MTSS1: variants seen among roughly 807,000 people sequenced by gnomAD.
MTSS1 encodes protein MTSS 1.
MTSS1 carries 18 observed loss-of-function variants against 79.0 expected under a neutral mutation model. The ratio of observed to expected loss-of-function variants is 0.23; its 90% CI spans 0.16 to 0.34. The LOEUF is 0.34. Among genes scored for constraint, MTSS1 ranks in the 10% least tolerant of loss-of-function variants. MTSS1 has a pLI of 1.00. For synonymous variants in MTSS1, 341 were observed against 368.6 expected (o/e 0.93, Z 0.86); for missense variants, 815 against 986.2 (o/e 0.83, Z 2.33).
intron 1 of MTSS1, among the ~76,000 whole-genome samples, chr8:124,714,609 G>A (rs1373877952): frequency 1.3e-5 from 2 of 152,004 alleles, no homozygotes; most frequent in African/African-American, 4.8e-5. Context: ...CTACAGGAGT[G>A]TGCCATCATG....
chr8:124,553,484 G>A lies in MTSS1; in HGVS notation c.1776C>T (p.Thr592=), dbSNP rs1463856365. The change falls in exon 14 of 14, where the codon ACC becomes ACT. Residue 592 remains threonine (T), a synonymous_variant. Coordinates refer to ENST00000518547, the MANE Select transcript of MTSS1 (RefSeq NM_014751.6). This position sits in a 1 kb window ranked among gnomAD's most constrained non-coding sequence, Gnocchi z 6.0. ...VTPGVATIRR[T]PSTKPSVRRG... is the part of the protein sequence containing the mutation. ...GGCGGACAGAAGGCTTGGTGGAAGGGGTCCGTCGGATAGTTGCAACCCCTG... is the reference window on the plus strand; with the variant it reads ...GGCGGACAGAAGGCTTGGTGGAAGGAGTCCGTCGGATAGTTGCAACCCCTG... 3.1e-6 allele frequency: 5 copies of A among 1,611,878 alleles called. No homozygotes were observed. In the South Asian group the frequency reaches 4.4e-5, roughly 14 times the overall value.
intron 8 of MTSS1, chr8:124,566,219 G>A (rs1184840874): frequency 6.5e-6 from 1 of 154,198 alleles, no homozygotes; most frequent in Admixed American, 6.4e-5. Context: ...TTTAAAGCCT[G>A]ACAGAATCAA....
chr8:124,668,037 A>G (rs1262035809), intron 3 of MTSS1, among the ~76,000 whole-genome samples: 2 of 151,342 alleles, frequency 1.3e-5, no homozygotes, highest in African/African-American at 4.9e-5. Flanking sequence ...GCAGTGAGCC[A>G]TGATCGCGCC....
intron 3 of MTSS1, among the ~76,000 whole-genome samples, chr8:124,623,265 C>T (rs536343196): frequency 2.0e-5 from 3 of 152,370 alleles, no homozygotes; most frequent in Non-Finnish European, 2.9e-5. Flanking sequence ...AACTAAACTG[C>T]ATGTATCTGT....
chr8:124,644,564 G>C (rs1360602401), intron 3 of MTSS1, among the ~76,000 whole-genome samples: 1 of 152,198 alleles, frequency 6.6e-6, no homozygotes, highest in Non-Finnish European at 1.5e-5. Context: ...AATGAAACAA[G>C]GAAATTACAT....
intron 3 of MTSS1, among the ~76,000 whole-genome samples, chr8:124,621,702 C>T (rs958871694): frequency 6.6e-6 from 1 of 152,156 alleles, no homozygotes; most frequent in Admixed American, 6.5e-5. Flanking sequence ...GTGCACGCCA[C>T]CACACCTAGC....
At chr8:124,656,074 A>C (rs1820880680) in intron 3 of MTSS1, among the ~76,000 whole-genome samples, 1 of 152,252 alleles carries the variant, frequency 6.6e-6, no homozygotes, top group Admixed American at 6.5e-5. Context: ...TTGAGCATTG[A>C]ATCTGACTGT....
chr8:124,700,238 A>C (rs949134614), intron 2 of MTSS1, among the ~76,000 whole-genome samples: 2 of 152,240 alleles, frequency 1.3e-5, no homozygotes, highest in African/African-American at 2.4e-5. Flanking sequence ...AAACATTAAA[A>C]AATATAAGTG....
chr8:124,628,497 C>T (rs112154147), intron 3 of MTSS1, among the ~76,000 whole-genome samples: 4,133 of 152,182 alleles, frequency 0.027, 165 homozygotes, highest in African/African-American at 0.094. Context: ...CCCCACGGCT[C>T]AGCTGTGGAA....
In MTSS1 at chr8:124,580,568, G is replaced by T. The variant is rs577679625; in HGVS notation, c.460+4519C>A. 9 of 1,534,760 alleles carry T rather than the reference G, an allele frequency of 5.9e-6. No individual in the cohort carries two copies. In the South Asian group the frequency reaches 6.0e-5, roughly 10 times the overall value. ...AGACTTACCAAGAGTGTCCACTGGCGGGGGGGCACACGGTGAGAAAGTGCA... is the reference window on the plus strand; with the variant it reads ...AGACTTACCAAGAGTGTCCACTGGCTGGGGGGCACACGGTGAGAAAGTGCA... On this transcript the variant is annotated intron_variant, in intron 6 of 13. Coordinates refer to ENST00000518547, the MANE Select transcript of MTSS1 (RefSeq NM_014751.6).
At chr8:124,604,352 A>G (rs898618734) in intron 3 of MTSS1, among the ~76,000 whole-genome samples, 2 of 152,242 alleles carry the variant, frequency 1.3e-5, no homozygotes, top group African/African-American at 4.8e-5. Flanking sequence ...CTTGATCTAA[A>G]TGTTCTTACA....
intron 1 of MTSS1, among the ~76,000 whole-genome samples, chr8:124,716,025 A>G (rs1831906375): frequency 6.6e-6 from 1 of 152,200 alleles, no homozygotes; most frequent in African/African-American, 2.4e-5. Flanking sequence ...TACGATGCCA[A>G]TCACCCTGAC....
At chr8:124,699,023 T>C (rs946116281) in intron 3 of MTSS1, 1 of 156,450 alleles carries the variant, frequency 6.4e-6, no homozygotes, top group Admixed American at 6.4e-5. Flanking sequence ...GAATAAGTCA[T>C]AGTCTGTATC....
rs1822943168 is a variant in MTSS1, at chr8:124,553,550, A to T, written c.1710T>A (p.Thr570=). ...GTCCCAGGGTGGTGGGGAGGCCAGCAGTTGAGGCTGGACGCTTGGCTTGGA... is the reference window on the plus strand; with the variant it reads ...GTCCCAGGGTGGTGGGGAGGCCAGCTGTTGAGGCTGGACGCTTGGCTTGGA... ...RMFQAKRPAS[T]AGLPTTLGPA... The change falls in exon 14 of 14, where the codon ACT becomes ACA. Residue 570 remains threonine (T), a synonymous_variant. Coordinates refer to ENST00000518547, the MANE Select transcript of MTSS1 (RefSeq NM_014751.6). This position sits in a 1 kb window ranked among gnomAD's most constrained non-coding sequence, Gnocchi z 6.0. 6.2e-7 allele frequency: 1 copy of T among 1,614,008 alleles called. No homozygotes were observed. The highest frequency in any genetic ancestry group is 8.5e-7 in the Non-Finnish European group (1 of 1,180,018).
chr8:124,597,466 A>T lies in MTSS1; in HGVS notation c.209-6231T>A, dbSNP rs7839937. On this transcript the variant is annotated intron_variant, in intron 3 of 13. Coordinates refer to ENST00000518547, the MANE Select transcript of MTSS1 (RefSeq NM_014751.6). The surrounding 1 kb of genome is among the most constrained non-coding windows in gnomAD (Gnocchi z 4.6). ...GGGGTAGGGAGGAAATAAGAAAAGCAAAGTTTCCTTGCCCCCTAAAGTCCG... is the reference window on the plus strand; with the variant it reads ...GGGGTAGGGAGGAAATAAGAAAAGCTAAGTTTCCTTGCCCCCTAAAGTCCG... 0.017 allele frequency among the ~76,000 whole-genome samples: 2,515 copies of T among 152,334 alleles called. 56 individuals carry two copies. Among genetic ancestry groups the T allele is most frequent in the East Asian group, 0.077 (396 of 5,176 alleles).
chr8:124,681,205 TAAAA>T (rs765690095), intron 3 of MTSS1, among the ~76,000 whole-genome samples: 1 of 126,082 alleles, frequency 7.9e-6, no homozygotes, highest in African/African-American at 2.9e-5. Context: ...CTGTGACATT[TAAAA>T]AAAAAAAAAA....
At chr8:124,721,120 T>C (rs1307913039) in intron 1 of MTSS1, among the ~76,000 whole-genome samples, 2 of 152,204 alleles carry the variant, frequency 1.3e-5, no homozygotes, top group African/African-American at 4.8e-5. Flanking sequence ...CTAGATGATA[T>C]GTTACAGATC....
chr8:124,556,798 G>A (rs925079474), intron 11 of MTSS1, among the ~76,000 whole-genome samples: 5 of 152,216 alleles, frequency 3.3e-5, no homozygotes, highest in African/African-American at 1.2e-4. Flanking sequence ...TTAGGGGAAT[G>A]GCCACCAGCG....
In MTSS1 at chr8:124,727,612, G is replaced by A. The variant is rs940566482; in HGVS notation, c.72+272C>T. The A allele has an allele frequency of 1.6e-6, 1 of 617,862 alleles. No individual in the cohort carries two copies. Among genetic ancestry groups the A allele is most frequent in the Non-Finnish European group, 3.0e-6 (1 of 330,820 alleles). 38.3% of individuals were successfully genotyped at this position (617,862 alleles called of 1,614,324 possible). ...GCAGCCAGTGCCTTGAGCCCCCGAG[G>A]GAAAGAAATGGTGCCGCCCCCTGGG... is the stretch of plus-strand genomic sequence containing the variant. On this transcript the variant is annotated intron_variant, in intron 1 of 13. Transcript: ENST00000518547. The surrounding 1 kb of genome is among the most constrained non-coding windows in gnomAD (Gnocchi z 4.7).
Sources: allele counts gnomAD v4.1 joint callset (sites outside exome capture counted in the v4.1 genomes callset), GRCh38; gene constraint gnomAD v4.1.1; non-coding constraint Gnocchi (gnomAD v3.1); transcripts MANE v1.5; gene names NCBI Gene and HGNC (gene_info 2026-07-23, HGNC 2026-07-21).